Variants in NTM observed in about 807,000 individuals in gnomAD.
The protein encoded by NTM is IgLON family member 2.
NTM carries 13 observed loss-of-function variants against 42.1 expected under a neutral mutation model. That is an observed-to-expected ratio of 0.31 (90% CI 0.20 to 0.49). NTM has a LOEUF of 0.49. Among genes scored for constraint, NTM ranks in the 20% least tolerant of loss-of-function variants. The pLI is 0.99. For synonymous variants in NTM, 187 were observed against 179.2 expected, an observed-to-expected ratio of 1.04 and a Z score of -0.35; for missense variants, 373 against 452.8, an observed-to-expected ratio of 0.82 and a Z score of 1.60.
chr11:132,334,673 C>T (rs1188232169), intron 8 of NTM, among the ~76,000 whole-genome samples: 2 of 152,100 alleles, frequency 1.3e-5, no homozygotes, highest in Non-Finnish European at 2.9e-5. Context: ...GGTGATGAGG[C>T]ACTCAGCACA....
At chr11:131,711,022 A>C (rs1306888406) in intron 1 of NTM, among the ~76,000 whole-genome samples, 1 of 152,166 alleles carries the variant, frequency 6.6e-6, no homozygotes, top group African/African-American at 2.4e-5. Flanking sequence ...TTCTCTCAAA[A>C]AACCCTAGAA....
chr11:132,008,676 T>C (rs1055754489), intron 2 of NTM, among the ~76,000 whole-genome samples: 8 of 152,102 alleles, frequency 5.3e-5, no homozygotes, highest in African/African-American at 1.9e-4. Flanking sequence ...AAAACATGTC[T>C]GTTTCACAGA....
intron 3 of NTM, among the ~76,000 whole-genome samples, chr11:132,167,036 AT>A (rs543192665): frequency 1.3e-5 from 2 of 152,056 alleles, no homozygotes; most frequent in Non-Finnish European, 2.9e-5. Flanking sequence ...ATCATGGCAT[AT>A]TTTTTTATTC....
intron 1 of NTM, among the ~76,000 whole-genome samples, chr11:131,390,432 G>A (rs1051584147): frequency 1.3e-5 from 2 of 152,148 alleles, no homozygotes; most frequent in Non-Finnish European, 2.9e-5. Context: ...CACAGAGGAA[G>A]GGGAAACTGA....
chr11:132,104,970 TA>T (rs2062148403), intron 2 of NTM, among the ~76,000 whole-genome samples: 1 of 121,660 alleles, frequency 8.2e-6, no homozygotes, highest in African/African-American at 3.1e-5. Context: ...TATATATATA[TA>T]TATATATATA....
chr11:131,753,199 T>A (rs1299719500), intron 1 of NTM, among the ~76,000 whole-genome samples: 1 of 152,144 alleles, frequency 6.6e-6, no homozygotes, highest in Admixed American at 6.5e-5. Flanking sequence ...AGATACCATC[T>A]CACACCAGTT....
intron 1 of NTM, among the ~76,000 whole-genome samples, chr11:131,864,661 G>A (rs1161629008): frequency 2.0e-5 from 3 of 152,158 alleles, no homozygotes; most frequent in Non-Finnish European, 4.4e-5. Context: ...AGCATTGAGG[G>A]AATGTTCGAT....
At chr11:131,498,475 G>A (rs565562129) in intron 1 of NTM, among the ~76,000 whole-genome samples, 1 of 152,208 alleles carries the variant, frequency 6.6e-6, no homozygotes, top group East Asian at 1.9e-4. Context: ...TCTGAATCCT[G>A]CAAATGGCTC....
At chr11:131,494,319 G>A (rs971984626) in intron 1 of NTM, among the ~76,000 whole-genome samples, 1 of 150,626 alleles carries the variant, frequency 6.6e-6, no homozygotes, top group Non-Finnish European at 1.5e-5. Flanking sequence ...TGGGAGGAGA[G>A]GGCTATTTGG....
At chr11:131,833,847 C>T (rs182516078) in intron 1 of NTM, among the ~76,000 whole-genome samples, 1 of 152,310 alleles carries the variant, frequency 6.6e-6, no homozygotes, top group East Asian at 1.9e-4. Flanking sequence ...CTTCCTGTAA[C>T]AACTCAATTT....
chr11:131,620,490 C>T (rs1302260173), intron 1 of NTM, among the ~76,000 whole-genome samples: 2 of 152,170 alleles, frequency 1.3e-5, no homozygotes, highest in East Asian at 3.9e-4. Context: ...ACAAATCATC[C>T]CACATCCTGG....
intron 1 of NTM, among the ~76,000 whole-genome samples, chr11:131,774,390 T>A (rs2086632535): frequency 6.6e-6 from 1 of 152,224 alleles, no homozygotes; most frequent in Non-Finnish European, 1.5e-5. Flanking sequence ...TAACATACTT[T>A]CTTAGGGAGC....
intron 1 of NTM, among the ~76,000 whole-genome samples, chr11:131,393,118 G>A (rs77357113): frequency 0.013 from 2,024 of 152,196 alleles, 35 homozygotes; most frequent in African/African-American, 0.046. Context: ...TGTCTGGAAC[G>A]CCCTCTCGTA....
chr11:131,694,055 C>T lies in NTM; in HGVS notation c.83-217509C>T, dbSNP rs369620593. Among the ~76,000 whole-genome samples the T allele has an allele frequency of 8.5e-5, 13 of 152,190 alleles. No individual in the cohort carries two copies. The East Asian group carries it at 1.2e-3, about 14-fold the overall frequency. ...TGGTCACCCACCTCTCCCCGACTTT[C>T]GTTTTCTCCTCTGTCACATGGATCT... On this transcript the variant is annotated intron_variant, in intron 1 of 8. Transcript: ENST00000683400.
At chr11:132,327,120 G>T (rs747742050) in intron 7 of NTM, among the ~76,000 whole-genome samples, 9 of 152,168 alleles carry the variant, frequency 5.9e-5, no homozygotes, top group Non-Finnish European at 1.3e-4. Flanking sequence ...GGTGGTGCAG[G>T]ACTCTCACGG....
chr11:131,593,896 T>G (rs2059597223), intron 1 of NTM, among the ~76,000 whole-genome samples: 1 of 152,192 alleles, frequency 6.6e-6, no homozygotes, highest in Non-Finnish European at 1.5e-5. Context: ...AAGGCCTGTA[T>G]TTCATTTTAT....
At chr11:131,592,257 G>C (rs2059426366) in intron 1 of NTM, among the ~76,000 whole-genome samples, 2 of 152,142 alleles carry the variant, frequency 1.3e-5, no homozygotes, top group Non-Finnish European at 2.9e-5. Flanking sequence ...GCCTAGACTG[G>C]AGTCCTCACA....
intron 1 of NTM, among the ~76,000 whole-genome samples, chr11:131,835,348 G>A (rs929589639): frequency 3.3e-5 from 5 of 151,802 alleles, no homozygotes; most frequent in African/African-American, 7.3e-5. Context: ...GGATATTCAC[G>A]ATACGTATAT....
intron 1 of NTM, among the ~76,000 whole-genome samples, chr11:131,419,582 C>T (rs1947297150): frequency 6.6e-6 from 1 of 151,864 alleles, no homozygotes; most frequent in African/African-American, 2.4e-5. Context: ...TTTCAAGGGA[C>T]TGAAAGAAGC....
Sources: gnomAD v4.1 joint callset for allele counts (sites outside exome capture counted in the v4.1 genomes callset) on GRCh38, gnomAD v4.1.1 for gene constraint, MANE v1.5 for transcripts, NCBI Gene and HGNC (gene_info 2026-07-23, HGNC 2026-07-21) for gene names.